Variants in SGCZ observed in about 807,000 individuals in gnomAD.
SGCZ encodes sarcoglycan zeta, also known as zeta-sarcoglycan.
A neutral mutation model predicts 41.3 loss-of-function variants in SGCZ; 40 were observed. That is an observed-to-expected ratio of 0.97 (90% CI 0.75 to 1.26). The LOEUF (loss-of-function observed/expected upper bound fraction) is 1.26. Among genes scored for constraint, SGCZ ranks in the 50% most tolerant of loss-of-function variants. The pLI is 0.00. For synonymous variants in SGCZ, 206 were observed against 137.5 expected (o/e 1.50, Z -3.49); for missense variants, 552 against 369.8 (o/e 1.49, Z -4.04).
At chr8:14,478,779 G>C (rs543551904) in intron 2 of SGCZ, among the ~76,000 whole-genome samples, 3 of 152,098 alleles carry the variant, frequency 2.0e-5, no homozygotes, top group Non-Finnish European at 2.9e-5. Context: ...CTTTTTCAGA[G>C]TAACAGTTCT....
intron 4 of SGCZ, among the ~76,000 whole-genome samples, chr8:14,180,850 G>A (rs1043405238): frequency 6.6e-6 from 1 of 151,724 alleles, no homozygotes; most frequent in African/African-American, 2.4e-5. Context: ...CTGAATTTGA[G>A]CTGGACAGTG....
At chr8:15,062,474 G>A (rs75969413) in intron 1 of SGCZ, among the ~76,000 whole-genome samples, 143 of 152,164 alleles carry the variant, frequency 9.4e-4, no homozygotes, top group African/African-American at 2.6e-3. Flanking sequence ...ATGCAATAAC[G>A]ATATTTAGGA....
chr8:14,934,797 GA>G (rs974653740), intron 1 of SGCZ, among the ~76,000 whole-genome samples: 7 of 151,164 alleles, frequency 4.6e-5, no homozygotes, highest in Non-Finnish European at 8.9e-5. Flanking sequence ...AAAAAGGCAG[GA>G]AAAATGACTA....
At chr8:14,194,044 G>A (rs888349050) in intron 4 of SGCZ, among the ~76,000 whole-genome samples, 4 of 151,102 alleles carry the variant, frequency 2.6e-5, no homozygotes, top group Non-Finnish European at 4.4e-5. Context: ...AATATATATT[G>A]AAACAAATAA....
At chr8:15,019,890 C>A (rs1043258243) in intron 1 of SGCZ, among the ~76,000 whole-genome samples, 1 of 149,368 alleles carries the variant, frequency 6.7e-6, no homozygotes, top group African/African-American at 2.5e-5. Flanking sequence ...TCTGGGTATT[C>A]AAGTAGTCTC....
chr8:14,551,116 C>A (rs975682940), intron 2 of SGCZ, among the ~76,000 whole-genome samples: 14 of 137,598 alleles, frequency 1.0e-4, no homozygotes, highest in African/African-American at 3.7e-4. Context: ...TATTGTAATT[C>A]TTTTTTTTTT....
At chr8:15,217,416 C>CA (rs35784389) in intron 1 of SGCZ, among the ~76,000 whole-genome samples, 358 of 118,774 alleles carry the variant, frequency 3.0e-3, no homozygotes, top group Middle Eastern at 0.014. Flanking sequence ...GACTCCGTCT[C>CA]AAAAAAAAAA....
intron 1 of SGCZ, among the ~76,000 whole-genome samples, chr8:14,622,207 G>C (rs868351372): frequency 6.6e-6 from 1 of 152,142 alleles, no homozygotes; most frequent in East Asian, 1.9e-4. Context: ...CCTTGAGTAT[G>C]TGTTGTCCTG....
chr8:14,906,510 T>G (rs927867575), intron 1 of SGCZ, among the ~76,000 whole-genome samples: 1 of 152,204 alleles, frequency 6.6e-6, no homozygotes, highest in African/African-American at 2.4e-5. Flanking sequence ...ATATATTTTT[T>G]CTTTTCTACA....
At chr8:14,262,834 C>G (rs1303236529) in intron 3 of SGCZ, among the ~76,000 whole-genome samples, 1 of 141,246 alleles carries the variant, frequency 7.1e-6, no homozygotes, top group Admixed American at 7.0e-5. Flanking sequence ...AAAAAAAAAA[C>G]AGCACAGAGC....
At chr8:14,212,769 A>C (rs1408054444) in intron 4 of SGCZ, among the ~76,000 whole-genome samples, 1 of 152,198 alleles carries the variant, frequency 6.6e-6, no homozygotes, top group Non-Finnish European at 1.5e-5. Flanking sequence ...AATGAAGGAC[A>C]AGAATTTTTA....
At chr8:14,222,792 A>ATTTTTTTTT (rs775444301) in intron 4 of SGCZ, among the ~76,000 whole-genome samples, 2 of 48,896 alleles carry the variant, frequency 4.1e-5, no homozygotes, top group African/African-American at 1.8e-4. Context: ...AGTCACAGTG[A>ATTTTTTTTT]TTTTTTTTTT....
At chr8:14,955,209 C>T (rs1019087789) in intron 1 of SGCZ, among the ~76,000 whole-genome samples, 1 of 152,116 alleles carries the variant, frequency 6.6e-6, no homozygotes, top group Non-Finnish European at 1.5e-5. Flanking sequence ...TTCCTATTTT[C>T]TATATGCTTG....
intron 2 of SGCZ, among the ~76,000 whole-genome samples, chr8:14,399,128 T>C (rs146043368): frequency 1.3e-3 from 197 of 152,248 alleles, no homozygotes; most frequent in Non-Finnish European, 2.1e-3. Context: ...ACTCCCATTG[T>C]TTTTGCTGAG....
chr8:14,714,873 G>GT (rs1391148997), intron 1 of SGCZ, among the ~76,000 whole-genome samples: 2 of 151,968 alleles, frequency 1.3e-5, no homozygotes, highest in African/African-American at 4.8e-5. Context: ...ATGCGGGGAT[G>GT]TTTTTTTCAG....
intron 1 of SGCZ, among the ~76,000 whole-genome samples, chr8:14,942,943 T>C (rs1015891374): frequency 2.6e-5 from 4 of 152,162 alleles, no homozygotes; most frequent in African/African-American, 9.7e-5. Context: ...GAGTACTATT[T>C]AACATATGCA....
chr8:14,972,410 G>C (rs1201577302), intron 1 of SGCZ, among the ~76,000 whole-genome samples: 2 of 151,948 alleles, frequency 1.3e-5, no homozygotes, highest in South Asian at 2.1e-4. Context: ...TTTTTAATGT[G>C]TGTTTCTTGT....
intron 1 of SGCZ, among the ~76,000 whole-genome samples, chr8:14,609,026 C>T (rs1232908623): frequency 6.6e-6 from 1 of 152,098 alleles, no homozygotes; most frequent in African/African-American, 2.4e-5. Flanking sequence ...GTCTTCACTG[C>T]TCTTTCATGT....
intron 4 of SGCZ, among the ~76,000 whole-genome samples, chr8:14,182,482 G>C (rs901208271): frequency 6.6e-6 from 1 of 152,156 alleles, no homozygotes; most frequent in Non-Finnish European, 1.5e-5. Flanking sequence ...GGAGTGCCCT[G>C]TATGGAAGCC....
Sources: allele counts gnomAD v4.1 joint callset (sites outside exome capture counted in the v4.1 genomes callset), GRCh38; gene constraint gnomAD v4.1.1; transcripts MANE v1.5; gene names NCBI Gene and HGNC (gene_info 2026-07-23, HGNC 2026-07-21).